The following GGPS1 variants were observed in gnomAD, a reference collection of about 807,000 sequenced individuals.
The protein encoded by GGPS1 is geranylgeranyl diphosphate synthase 1.
GGPS1 carries 15 observed loss-of-function variants against 28.1 expected under a neutral mutation model. The ratio of observed to expected loss-of-function variants is 0.53; its 90% confidence interval spans 0.36 to 0.82. The LOEUF (loss-of-function observed/expected upper bound fraction) is 0.82. Among genes scored for constraint, GGPS1 ranks in the 40% least tolerant of loss-of-function variants. The pLI is 0.01. For synonymous variants in GGPS1, 138 were observed against 122.4 expected (o/e 1.13, Z -0.84); for missense variants, 284 against 348.3 (o/e 0.82, Z 1.47).
chr1:235,340,663 GAGGC>G (rs1233590527), intron 2 of GGPS1, among the ~76,000 whole-genome samples: 3 of 148,232 alleles, frequency 2.0e-5, no homozygotes, highest in African/African-American at 7.5e-5. Flanking sequence ...GTGAACCCGG[GAGGC>G]GGAGCTTGCA....
intron 2 of GGPS1, among the ~76,000 whole-genome samples, chr1:235,340,297 A>G (rs540108464): frequency 3.9e-5 from 6 of 152,068 alleles, no homozygotes; most frequent in African/African-American, 1.2e-4. Context: ...ACATGGGAAC[A>G]CACTGTCTCT....
chr1:235,335,139 C>T (rs529975254), intron 1 of GGPS1, 103 bp from the exon 2 acceptor site: 86 of 599,660 alleles, frequency 1.4e-4, no homozygotes, highest in South Asian at 5.3e-4. Context: ...TTAAACCAGA[C>T]TAGGTGTCTT....
At position 235,340,475 on chromosome 1, in the gene GGPS1, G is replaced by A. The variant is rs555797158; in HGVS notation, c.71-1233G>A. Among the ~76,000 whole-genome samples, 187 of 150,278 alleles carry A rather than the reference G, an allele frequency of 1.2e-3. 1 individual carries two copies. Among genetic ancestry groups the A allele is most frequent in the African/African-American group, 4.4e-3 (181 of 40,864 alleles). On this transcript the variant is annotated intron_variant, in intron 2 of 3. Transcript: ENST00000282841. Reference sequence around the variant, plus strand: ...AAAAGCAAGAAGCGCAGTGGCTCACGCCTGTAATCCCAGCACTTTGGGAGG... The same window carrying A: ...AAAAGCAAGAAGCGCAGTGGCTCACACCTGTAATCCCAGCACTTTGGGAGG...
intron 3 of GGPS1, 45 bp downstream of exon 3, chr1:235,341,823 C>A: frequency 8.9e-7 from 1 of 1,117,690 alleles, no homozygotes; most frequent in Non-Finnish European, 1.3e-6. Context: ...AAATTAATAG[C>A]TGTCGCATAA....
chr1:235,332,305 A>G (rs754123765), intron 1 of GGPS1, among the ~76,000 whole-genome samples: 2 of 152,200 alleles, frequency 1.3e-5, no homozygotes, highest in Non-Finnish European at 2.9e-5. Context: ...GCTCCCATTT[A>G]TAATTGAGAA....
Position 235,342,590 on chromosome 1 carries a change from A to G in GGPS1, c.721A>G (p.Ile241Val). ...QNILRQRTEN[I>V]DIKKYCVHYL... ...TATCTTGCGCCAGAGAACAGAAAAC[A>G]TAGATATAAAAAAATACTGTGTACA... Residue 241 changes from isoleucine (I) to valine (V), a missense_variant, in exon 4 of 4, where the codon ATA becomes GTA. Coordinates refer to ENST00000282841, the MANE Select transcript of GGPS1 (RefSeq NM_004837.4). 1.9e-6 allele frequency: 3 copies of G among 1,611,698 alleles called. No homozygotes were observed. Among genetic ancestry groups the G allele is most frequent in the Non-Finnish European group, 2.5e-6 (3 of 1,177,738 alleles).
chr1:235,339,550 A>G (rs1023326810), intron 2 of GGPS1, among the ~76,000 whole-genome samples: 3 of 152,138 alleles, frequency 2.0e-5, no homozygotes, highest in Non-Finnish European at 4.4e-5. Flanking sequence ...ACCTGAGGTC[A>G]GGAGTTTGAC....
At chr1:235,327,428 C>T (rs1675385330), upstream of GGPS1, 1 of 152,238 alleles carries the variant, frequency 6.6e-6, no homozygotes, top group South Asian at 2.1e-4. Context: ...AGCCCCTGCC[C>T]ACGTCCCGTT....
chr1:235,335,353 T>G lies in GGPS1; in HGVS notation c.70+19T>G. On this transcript the variant is annotated intron_variant, in intron 2 of 3. Transcript: ENST00000282841. Reference sequence around the variant, plus strand: ...TTACCAGGTAATACTTCACTTACAGTCCATATAGGGTCATTTTCATGCAGT... The same window carrying G: ...TTACCAGGTAATACTTCACTTACAGGCCATATAGGGTCATTTTCATGCAGT... 8.6e-7 allele frequency: 1 copy of G among 1,159,146 alleles called. No individual in the cohort carries two copies. The highest frequency in any genetic ancestry group is 1.3e-6 in the Non-Finnish European group (1 of 773,920). The allele number at this position is 1,159,146 out of a possible 1,614,324, so 71.8% of individuals were successfully genotyped here.
chr1:235,335,466 T>C, intron 2 of GGPS1, 132 bp downstream of exon 2: 1 of 524,304 alleles, frequency 1.9e-6, no homozygotes, highest in Non-Finnish European at 3.4e-6. Flanking sequence ...ATGAGAAAAA[T>C]GATAAATAGA....
At chr1:235,339,483 C>T (rs570974638) in intron 2 of GGPS1, among the ~76,000 whole-genome samples, 2 of 151,600 alleles carry the variant, frequency 1.3e-5, no homozygotes, top group South Asian at 4.2e-4. Context: ...CACAAACAAA[C>T]AAACAAACAA....
chr1:235,337,851 A>G (rs928696296), intron 2 of GGPS1, among the ~76,000 whole-genome samples: 4 of 151,740 alleles, frequency 2.6e-5, no homozygotes, highest in Non-Finnish European at 5.9e-5. Context: ...ATTAGTAAAG[A>G]AAATTATTTT....
intron 1 of GGPS1, among the ~76,000 whole-genome samples, chr1:235,333,155 G>A (rs892418367): frequency 2.6e-5 from 4 of 151,036 alleles, no homozygotes; most frequent in African/African-American, 4.9e-5. Context: ...GTGATGTGGT[G>A]TGATACCATG....
intron 1 of GGPS1, chr1:235,329,148 G>A (rs1197854915): frequency 2.0e-5 from 3 of 152,388 alleles, no homozygotes; most frequent in Non-Finnish European, 2.9e-5. Flanking sequence ...TTCTCCCGGA[G>A]TATGAATGGA....
rs80291043 is a variant in GGPS1 at position 235,341,676 on chromosome 1, T to C, written c.71-32T>C. ...AAAATACTCATAATTAAAACACTTA[T>C]CACATTGTCACATTTTATTTTTAAA... On this transcript the variant is annotated intron_variant, in intron 2 of 3. Coordinates refer to ENST00000282841, the MANE Select transcript of GGPS1 (RefSeq NM_004837.4). 15,296 of 1,167,292 alleles carry C rather than the reference T, an allele frequency of 0.013. 868 individuals carry two copies. In the African/African-American group the frequency reaches 0.15, roughly 12 times the overall value. 72.3% of individuals were successfully genotyped at this position (1,167,292 alleles called of 1,614,324 possible).
chr1:235,331,716 G>A (rs1675722846), intron 1 of GGPS1, among the ~76,000 whole-genome samples: 1 of 151,858 alleles, frequency 6.6e-6, no homozygotes, highest in South Asian at 2.1e-4. Context: ...ACAGTATGGG[G>A]AAGCATCAAA....
chr1:235,341,650 T>G (rs1676048297), intron 2 of GGPS1, 58 bp from the exon 3 acceptor site: 1 of 975,812 alleles, frequency 1.0e-6, no homozygotes, highest in Admixed American at 1.8e-5. Context: ...TTTTTGTAGT[T>G]AAAATACTCA....
chr1:235,331,923 G>C (rs1675727985), intron 1 of GGPS1, among the ~76,000 whole-genome samples: 1 of 152,060 alleles, frequency 6.6e-6, no homozygotes, highest in African/African-American at 2.4e-5. Context: ...TTTTACCCTT[G>C]TATTCATTGA....
intron 2 of GGPS1, chr1:235,336,732 C>G (rs1242638650): frequency 6.6e-6 from 1 of 152,184 alleles, no homozygotes; most frequent in Non-Finnish European, 1.5e-5. Flanking sequence ...TAATGATGCT[C>G]TCAATTCAGT....
Sources: allele counts gnomAD v4.1 joint callset (sites outside exome capture counted in the v4.1 genomes callset), GRCh38; gene constraint gnomAD v4.1.1; transcripts MANE v1.5; gene names NCBI Gene and HGNC (gene_info 2026-07-23, HGNC 2026-07-21).